Variants in PCDH9 observed in about 807,000 individuals in gnomAD.
PCDH9 encodes the protein protocadherin-9.
PCDH9 carries 24 observed loss-of-function variants against 70.6 expected under a neutral mutation model. The observed-to-expected ratio is 0.34, with a 90% CI of 0.25 to 0.48. The LOEUF (loss-of-function observed/expected upper bound fraction) is 0.48, where lower values mean the gene tolerates loss of function less well. Ranked by LOEUF, PCDH9 falls within the 20% of genes least tolerant of loss-of-function variation. The probability of loss-of-function intolerance (pLI) is 0.99; values close to 1 mark genes in which losing one functional copy is unlikely to be tolerated. For synonymous variants in PCDH9, 562 were observed against 558.5 expected, an observed-to-expected ratio of 1.01 and a Z score of -0.09; for missense variants, 1,281 against 1,503.6, an observed-to-expected ratio of 0.85 and a Z score of 2.45.
intron 3 of PCDH9, among the ~76,000 whole-genome samples, chr13:66,798,012 AAAAT>A (rs2080272021): frequency 6.6e-6 from 1 of 151,824 alleles, no homozygotes; most frequent in South Asian, 2.1e-4. Flanking sequence ...AAAATAAGAA[AAAAT>A]AGGGAAAGGA....
At chr13:67,168,998 G>C (rs1160367488) in intron 2 of PCDH9, among the ~76,000 whole-genome samples, 1 of 152,130 alleles carries the variant, frequency 6.6e-6, no homozygotes, top group Non-Finnish European at 1.5e-5. Context: ...CAAACAAGTA[G>C]TTATTAGTGT....
chr13:66,332,111 C>T (rs918453307), intron 4 of PCDH9, among the ~76,000 whole-genome samples: 1 of 152,040 alleles, frequency 6.6e-6, no homozygotes, highest in Non-Finnish European at 1.5e-5. Context: ...CTCAGTGGCC[C>T]CACTAAGATG....
intron 2 of PCDH9, among the ~76,000 whole-genome samples, chr13:67,154,675 A>G (rs1230372088): frequency 1.4e-5 from 2 of 141,560 alleles, no homozygotes; most frequent in Non-Finnish European, 3.1e-5. Flanking sequence ...TTGATAACTT[A>G]TGTTGTGTTA....
intron 3 of PCDH9, among the ~76,000 whole-genome samples, chr13:66,732,959 A>AT (rs1269088014): frequency 6.6e-6 from 1 of 152,092 alleles, no homozygotes. Context: ...ATGCACATGT[A>AT]TGACCCTGCT....
chr13:67,195,409 C>T (rs542036523), intron 2 of PCDH9, among the ~76,000 whole-genome samples: 31 of 152,256 alleles, frequency 2.0e-4, no homozygotes, highest in Non-Finnish European at 1.5e-5. Flanking sequence ...TCCCAAAGTG[C>T]TGGGATTACA....
At chr13:66,880,119 C>T (rs1800824448) in intron 3 of PCDH9, 1 of 152,120 alleles carries the variant, frequency 6.6e-6, no homozygotes. Context: ...GTGAATAGAA[C>T]AAACAAGAGG....
At chr13:66,556,326 T>C (rs1195101920) in intron 4 of PCDH9, among the ~76,000 whole-genome samples, 2 of 152,244 alleles carry the variant, frequency 1.3e-5, no homozygotes, top group East Asian at 1.9e-4. Flanking sequence ...ATATGGGGAC[T>C]AAGAAAAATT....
intron 3 of PCDH9, among the ~76,000 whole-genome samples, chr13:66,845,869 T>TA (rs1310988136): frequency 6.6e-6 from 1 of 152,214 alleles, no homozygotes; most frequent in Non-Finnish European, 1.5e-5. Context: ...TTAATACTAC[T>TA]ACTAATAATA....
At chr13:66,338,487 A>G (rs1434664865) in intron 4 of PCDH9, among the ~76,000 whole-genome samples, 1 of 152,100 alleles carries the variant, frequency 6.6e-6, no homozygotes, top group Admixed American at 6.6e-5. Context: ...TATTTTCTGA[A>G]GCTTTTTAAT....
At chr13:67,077,312 CCCTTATTGATT>C (rs2085897661) in intron 2 of PCDH9, among the ~76,000 whole-genome samples, 1 of 152,152 alleles carries the variant, frequency 6.6e-6, no homozygotes, top group African/African-American at 2.4e-5. Flanking sequence ...AGGGCCTTTG[CCCTTATTGATT>C]CCTTTGTTAT....
At chr13:66,687,342 C>T (rs935966472) in intron 3 of PCDH9, among the ~76,000 whole-genome samples, 3 of 152,100 alleles carry the variant, frequency 2.0e-5, no homozygotes, top group African/African-American at 4.8e-5. Flanking sequence ...TCTACTGGCT[C>T]ATTACTTTTT....
intron 2 of PCDH9, among the ~76,000 whole-genome samples, chr13:67,130,104 G>A (rs2087075640): frequency 6.6e-6 from 1 of 152,022 alleles, no homozygotes; most frequent in Non-Finnish European, 1.5e-5. Context: ...TTATAATGTA[G>A]AAAATTAAAT....
At chr13:67,063,263 G>T (rs2085574696) in intron 2 of PCDH9, among the ~76,000 whole-genome samples, 1 of 152,024 alleles carries the variant, frequency 6.6e-6, no homozygotes, top group African/African-American at 2.4e-5. Flanking sequence ...CTCCAGCCCA[G>T]CAGGGATAAA....
At chr13:66,423,772 C>G (rs760831465) in intron 4 of PCDH9, among the ~76,000 whole-genome samples, 2 of 152,162 alleles carry the variant, frequency 1.3e-5, no homozygotes, top group African/African-American at 2.4e-5. Context: ...CAGCACAAGA[C>G]ATGTATTCCC....
rs983824670 is a variant in PCDH9, at chr13:66,330,501, C to G, written c.3341-25473G>C. On this transcript the variant is annotated intron_variant, in intron 4 of 4. Coordinates refer to ENST00000377865, the MANE Select transcript of PCDH9 (RefSeq NM_203487.3). ...AACACCTACTGTGCTTCAACTATAG[C>G]CCACTGGACAGATTTGTTGACAGTG... Among the ~76,000 whole-genome samples, 6 of 152,278 alleles carry G rather than the reference C, an allele frequency of 3.9e-5. No individual in the cohort carries two copies. In the South Asian group the frequency reaches 1.0e-3, roughly 26 times the overall value.
intron 3 of PCDH9, among the ~76,000 whole-genome samples, chr13:66,637,229 A>G (rs1206503722): frequency 6.6e-6 from 1 of 152,148 alleles, no homozygotes; most frequent in Non-Finnish European, 1.5e-5. Context: ...AAAGCAATCT[A>G]TGGTTATGGC....
rs183993939 is a variant in PCDH9 at position 67,183,218 on chromosome 13, A to G, written c.3036+42187T>C. 2.8e-3 allele frequency among the ~76,000 whole-genome samples: 431 copies of G among 152,284 alleles called. 3 individuals carry two copies. The highest frequency in any genetic ancestry group is 4.7e-3 in the Non-Finnish European group (321 of 68,012). On this transcript the variant is annotated intron_variant, in intron 2 of 4. Coordinates refer to ENST00000377865, the MANE Select transcript of PCDH9 (RefSeq NM_203487.3). The stretch of plus-strand genomic sequence containing the variant: ...TTTGCCCCCAAACTAGAAAGTAAGC[A>G]ACTGTCAGGAATCAAATCTATTTCT...
chr13:66,353,545 T>G (rs1339070779), intron 4 of PCDH9, among the ~76,000 whole-genome samples: 1 of 152,156 alleles, frequency 6.6e-6, no homozygotes, highest in African/African-American at 2.4e-5. Flanking sequence ...CTCTTGGTGC[T>G]CAAGAGGCAA....
intron 4 of PCDH9, among the ~76,000 whole-genome samples, chr13:66,581,694 A>G (rs1186027611): frequency 6.6e-6 from 1 of 152,184 alleles, no homozygotes; most frequent in Non-Finnish European, 1.5e-5. Context: ...AAATTGAATT[A>G]TATCCATGTG....
Sources: allele counts gnomAD v4.1 joint callset (sites outside exome capture counted in the v4.1 genomes callset), GRCh38; gene constraint gnomAD v4.1.1; transcripts MANE v1.5; gene names NCBI Gene and HGNC (gene_info 2026-07-23, HGNC 2026-07-21).